IL1RAPL1: variants seen among roughly 807,000 people sequenced by gnomAD.
IL1RAPL1 encodes interleukin 1 receptor accessory protein like 1, also known as interleukin-1 receptor accessory protein-like 1.
Under a neutral mutation model 48.4 loss-of-function variants are expected in IL1RAPL1, and 3 were observed. The ratio of observed to expected loss-of-function variants is 0.06; its 90% CI spans 0.03 to 0.16. The LOEUF (loss-of-function observed/expected upper bound fraction) is 0.16. Among genes scored for constraint, IL1RAPL1 ranks in the 10% least tolerant of loss-of-function variants. The pLI, the probability that IL1RAPL1 is intolerant of heterozygous loss-of-function variation, is 1.00. For synonymous variants in IL1RAPL1, 185 were observed against 187.7 expected, an observed-to-expected ratio of 0.99 and a Z score of 0.12; for missense variants, 349 against 530.6, an observed-to-expected ratio of 0.66 and a Z score of 3.36.
At chrX:29,122,447 A>ACACACACACT (rs1928812369) in intron 2 of IL1RAPL1, among the ~76,000 whole-genome samples, 1 of 69,189 alleles carries the variant, frequency 1.4e-5, no homozygotes, top group African/African-American at 6.1e-5. Flanking sequence ...ACACACACAC[A>ACACACACACT]CTCGCCCCCC....
chrX:29,383,109 G>A (rs1047189843), intron 3 of IL1RAPL1, among the ~76,000 whole-genome samples: 3 of 112,329 alleles, frequency 2.7e-5, no homozygotes, highest in African/African-American at 9.7e-5. Context: ...TGCAAGAAAT[G>A]TAGTGAAGTT....
At chrX:29,871,203 A>C (rs1376423472) in intron 6 of IL1RAPL1, among the ~76,000 whole-genome samples, 1 of 112,070 alleles carries the variant, frequency 8.9e-6, no homozygotes, top group Non-Finnish European at 1.9e-5. Context: ...TCTGCTTTAA[A>C]GGACCAATGT....
intron 7 of IL1RAPL1, among the ~76,000 whole-genome samples, chrX:29,918,227 G>T (rs1932817901): frequency 1.5e-5 from 1 of 68,647 alleles, no homozygotes; most frequent in Non-Finnish European, 2.6e-5. Flanking sequence ...TTGTATATGA[G>T]ACCTTTTTTT....
At chrX:28,720,415 C>A (rs1221011616) in intron 1 of IL1RAPL1, among the ~76,000 whole-genome samples, 1 of 111,674 alleles carries the variant, frequency 9.0e-6, no homozygotes, top group Admixed American at 9.5e-5. Context: ...TACATGTTAG[C>A]TGATTTTGAA....
At chrX:29,226,033 A>G (rs896186641) in intron 2 of IL1RAPL1, among the ~76,000 whole-genome samples, 2 of 111,758 alleles carry the variant, frequency 1.8e-5, no homozygotes, top group South Asian at 7.6e-4. Context: ...TGTCAATGCC[A>G]TTGGTCTGCA....
At chrX:29,336,269 C>CATATATATAT (rs57126796) in intron 3 of IL1RAPL1, among the ~76,000 whole-genome samples, 2,440 of 57,360 alleles carry the variant, frequency 0.043, 183 homozygotes, top group Middle Eastern at 0.053. Context: ...ATATATATGC[C>CATATATATAT]ATATATATAT....
At chrX:29,242,603 T>G (rs976876408) in intron 2 of IL1RAPL1, among the ~76,000 whole-genome samples, 3 of 112,496 alleles carry the variant, frequency 2.7e-5, no homozygotes, top group Non-Finnish European at 5.6e-5. Context: ...TACCAGGTGT[T>G]ATAAAGGCTA....
chrX:29,510,221 G>T (rs1438224005), intron 5 of IL1RAPL1, among the ~76,000 whole-genome samples: 1 of 112,230 alleles, frequency 8.9e-6, no homozygotes, highest in Admixed American at 9.4e-5. Flanking sequence ...ATTTTATTCT[G>T]CTGTGTATGT....
intron 6 of IL1RAPL1, among the ~76,000 whole-genome samples, chrX:29,789,480 T>C (rs746441153): frequency 8.9e-6 from 1 of 111,988 alleles, no homozygotes; most frequent in South Asian, 3.7e-4. Flanking sequence ...TGACCAGCTT[T>C]TTCTATGTTT....
intron 1 of IL1RAPL1, among the ~76,000 whole-genome samples, chrX:28,713,178 C>G (rs979224689): frequency 4.5e-5 from 5 of 110,216 alleles, no homozygotes; most frequent in African/African-American, 6.6e-5. Flanking sequence ...CTCAGCCTCC[C>G]GAGTAGCTGG....
intron 2 of IL1RAPL1, among the ~76,000 whole-genome samples, chrX:29,143,221 T>G (rs112499863): frequency 9.0e-6 from 1 of 111,304 alleles, no homozygotes; most frequent in African/African-American, 3.3e-5. Flanking sequence ...TTATTAAGCT[T>G]CTAAAATTAT....
intron 2 of IL1RAPL1, among the ~76,000 whole-genome samples, chrX:29,198,902 T>C (rs1205791048): frequency 8.9e-6 from 1 of 111,843 alleles, no homozygotes; most frequent in African/African-American, 3.3e-5. Flanking sequence ...GCAATTTTGA[T>C]GCTATTCTGT....
chrX:29,707,065 A>C (rs1170391885), intron 6 of IL1RAPL1, among the ~76,000 whole-genome samples: 1 of 111,918 alleles, frequency 8.9e-6, no homozygotes, highest in Non-Finnish European at 1.9e-5. Context: ...GATATCCAGA[A>C]TCTGCAAAGA....
rs565109721 is a variant in IL1RAPL1, at chrX:29,054,764, A to T, written c.83-228174A>T. On this transcript the variant is annotated intron_variant, in intron 2 of 10. Transcript: ENST00000378993. Reference sequence around the variant, plus strand: ...TCTCAGCCTAGTGGCCTCCCAAATTATTTTTTTTCGACACACGTGACATAC... The same window carrying T: ...TCTCAGCCTAGTGGCCTCCCAAATTTTTTTTTTTCGACACACGTGACATAC... Among the ~76,000 whole-genome samples the T allele has an allele frequency of 1.1e-4, 12 of 111,348 alleles. No homozygotes were observed. The South Asian group carries it at 4.2e-3, about 39-fold the overall frequency.
chrX:29,598,172 C>G (rs1025986846), intron 5 of IL1RAPL1, among the ~76,000 whole-genome samples: 27 of 112,004 alleles, frequency 2.4e-4, no homozygotes, highest in African/African-American at 8.4e-4. Flanking sequence ...ATATTATGAA[C>G]TTTCCTGTTA....
chrX:29,680,132 G>C (rs982165940), intron 6 of IL1RAPL1, among the ~76,000 whole-genome samples: 2 of 111,425 alleles, frequency 1.8e-5, no homozygotes, highest in African/African-American at 6.5e-5. Context: ...ATACTTCATA[G>C]TTAGAGCTCT....
intron 5 of IL1RAPL1, among the ~76,000 whole-genome samples, chrX:29,566,568 G>A (rs2147795918): frequency 1.0e-5 from 1 of 98,780 alleles, no homozygotes; most frequent in African/African-American, 3.7e-5. Flanking sequence ...ACGAGGAGTG[G>A]ATCATCAAAG....
chrX:29,207,230 G>C (rs1930683343), intron 2 of IL1RAPL1, among the ~76,000 whole-genome samples: 1 of 111,997 alleles, frequency 8.9e-6, no homozygotes. Flanking sequence ...TAGAAACACA[G>C]AGACAGTTTT....
chrX:29,103,205 A>T (rs1928379853), intron 2 of IL1RAPL1, among the ~76,000 whole-genome samples: 1 of 112,028 alleles, frequency 8.9e-6, no homozygotes, highest in African/African-American at 3.2e-5. Context: ...GAAGAAGCAC[A>T]TTACCGAGCC....
Sources: allele counts gnomAD v4.1 joint callset (sites outside exome capture counted in the v4.1 genomes callset), GRCh38; gene constraint gnomAD v4.1.1; transcripts MANE v1.5; gene names NCBI Gene and HGNC (gene_info 2026-07-23, HGNC 2026-07-21).